Variants in SLC30A8 observed in about 807,000 individuals in gnomAD.
The protein encoded by SLC30A8 is proton-coupled zinc antiporter SLC30A8.
SLC30A8 carries 27 observed loss-of-function variants against 36.9 expected under a neutral mutation model. That is an observed-to-expected ratio of 0.73 (90% confidence interval 0.54 to 1.01). The LOEUF is 1.01. Among genes scored for constraint, SLC30A8 ranks in the 50% least tolerant of loss-of-function variants. SLC30A8 has a pLI of 0.00. For synonymous variants in SLC30A8, 164 were observed against 172.4 expected (o/e 0.95, Z 0.38); for missense variants, 439 against 452.0 (o/e 0.97, Z 0.26).
chr8:117,153,723 G>GGTGGGTGTGT lies in SLC30A8; in HGVS notation c.418+636_418+637insGGTGTGTGTG, dbSNP rs1554591090. On this transcript the variant is annotated intron_variant, in intron 3 of 7. Coordinates refer to ENST00000456015, the MANE Select transcript of SLC30A8 (RefSeq NM_173851.3). ...GGCAGTAGCCAAGGTCATGATAAGG[G>GGTGGGTGTGT]GTGTGTGTGTGTGTGTGTGTGTGTG... 9.7e-3 allele frequency among the ~76,000 whole-genome samples: 1,422 copies of GGTGGGTGTGT among 147,000 alleles called. 19 individuals are homozygous for GGTGGGTGTGT. Among genetic ancestry groups the GGTGGGTGTGT allele is most frequent in the African/African-American group, 0.033 (1,312 of 40,078 alleles).
At chr8:117,028,756 C>A (rs1245773555) in intron 1 of SLC30A8, among the ~76,000 whole-genome samples, 1 of 151,376 alleles carries the variant, frequency 6.6e-6, no homozygotes, top group Admixed American at 6.6e-5. Context: ...TCATATATAT[C>A]AAAAGAAATA....
intron 1 of SLC30A8, among the ~76,000 whole-genome samples, chr8:116,973,950 A>T: frequency 6.6e-6 from 1 of 152,230 alleles, no homozygotes; most frequent in East Asian, 1.9e-4. Flanking sequence ...AGGATTCCCT[A>T]TTTAATAAAT....
At chr8:116,999,372 G>A (rs991757182) in intron 1 of SLC30A8, among the ~76,000 whole-genome samples, 2 of 152,186 alleles carry the variant, frequency 1.3e-5, no homozygotes, top group African/African-American at 4.8e-5. Context: ...ATAGAGGAAA[G>A]CAGGCAAGCA....
chr8:116,960,179 G>A (rs1563723215), intron 1 of SLC30A8, among the ~76,000 whole-genome samples: 1 of 152,194 alleles, frequency 6.6e-6, no homozygotes, highest in Non-Finnish European at 1.5e-5. Flanking sequence ...TTTCAGGTGG[G>A]AAAATGTATG....
At chr8:117,126,932 T>C (rs1439205682) in intron 2 of SLC30A8, among the ~76,000 whole-genome samples, 1 of 152,010 alleles carries the variant, frequency 6.6e-6, no homozygotes, top group Non-Finnish European at 1.5e-5. Flanking sequence ...GGAGAGCACA[T>C]GTTCCAGGCA....
intron 1 of SLC30A8, among the ~76,000 whole-genome samples, chr8:116,992,125 A>G (rs1479626530): frequency 6.6e-6 from 1 of 152,206 alleles, no homozygotes; most frequent in Non-Finnish European, 1.5e-5. Context: ...GAACTATATT[A>G]TAGGTGAAAT....
At chr8:117,146,289 G>A (rs1260012073) in intron 1 of SLC30A8, among the ~76,000 whole-genome samples, 1 of 151,996 alleles carries the variant, frequency 6.6e-6, no homozygotes, top group Non-Finnish European at 1.5e-5. Flanking sequence ...AGAAAAAAGG[G>A]GTTAGACCAA....
chr8:116,980,349 G>A (rs1479330434), intron 1 of SLC30A8, among the ~76,000 whole-genome samples: 2 of 152,152 alleles, frequency 1.3e-5, no homozygotes, highest in Admixed American at 1.3e-4. Flanking sequence ...CTTCTTGGGA[G>A]GAGGGGACTG....
At position 117,086,738 on chromosome 8, in the gene SLC30A8, A is replaced by C. The variant is rs193258889; in HGVS notation, c.-226+47480A>C. ...CACAGTTCAAATTTCTATTTATGCCACATCTACTAACATTGTGTTGATCAA... is the reference window on the plus strand; with the variant it reads ...CACAGTTCAAATTTCTATTTATGCCCCATCTACTAACATTGTGTTGATCAA... On this transcript the variant is annotated intron_variant, in intron 2 of 10. Coordinates refer to the SLC30A8 transcript ENST00000427715. 3.1e-3 allele frequency among the ~76,000 whole-genome samples: 473 copies of C among 152,346 alleles called. 5 individuals are homozygous for C. Among genetic ancestry groups the C allele is most frequent in the African/African-American group, 0.011 (437 of 41,574 alleles).
chr8:116,953,698 C>T (rs529768940), intron 1 of SLC30A8, among the ~76,000 whole-genome samples: 28 of 152,172 alleles, frequency 1.8e-4, no homozygotes, highest in Non-Finnish European at 3.7e-4. Flanking sequence ...CTGACTTTCC[C>T]TGCTCTGCTG....
chr8:117,056,377 T>C (rs1198603156), intron 2 of SLC30A8, among the ~76,000 whole-genome samples: 1 of 152,184 alleles, frequency 6.6e-6, no homozygotes, highest in Non-Finnish European at 1.5e-5. Flanking sequence ...AGGAAAGGCT[T>C]CTGGCCAAAG....
rs188917806 is a variant in SLC30A8, at chr8:117,071,792, A to T, written c.-226+32534A>T. 1.1e-4 allele frequency among the ~76,000 whole-genome samples: 17 copies of T among 152,246 alleles called. No homozygotes were observed. In the East Asian group the frequency reaches 3.3e-3, roughly 29 times the overall value. On this transcript the variant is annotated intron_variant, in intron 2 of 10. Coordinates refer to the SLC30A8 transcript ENST00000427715. ...TACTCATTGATATCATGTTAAATGA[A>T]AGTTTAATATCCAAAATTAACTGTA...
rs184317713 is a variant in SLC30A8, at chr8:117,066,800, G to A, written c.-226+27542G>A. On this transcript the variant is annotated intron_variant, in intron 2 of 10. Transcript: ENST00000427715. The stretch of plus-strand genomic sequence containing the variant: ...TTCCAGGCATCATCTCCTGAAGCCT[G>A]AAAGTGAAGTTAATAATTTGGAAAG... 1.1e-4 allele frequency among the ~76,000 whole-genome samples: 17 copies of A among 152,194 alleles called. No individual in the cohort carries two copies. The East Asian group carries it at 3.3e-3, about 29-fold the overall frequency.
At chr8:116,963,792 G>A (rs1814511628) in intron 1 of SLC30A8, among the ~76,000 whole-genome samples, 1 of 152,140 alleles carries the variant, frequency 6.6e-6, no homozygotes, top group South Asian at 2.1e-4. Flanking sequence ...GAATTACTAG[G>A]TCACACAGTA....
At chr8:117,023,881 A>G (rs1293742950) in intron 1 of SLC30A8, among the ~76,000 whole-genome samples, 2 of 152,008 alleles carry the variant, frequency 1.3e-5, no homozygotes, top group Admixed American at 1.3e-4. Context: ...GAACATTATC[A>G]CCCTAACTAA....
intron 2 of SLC30A8, among the ~76,000 whole-genome samples, chr8:117,106,080 T>C (rs1483106536): frequency 6.6e-6 from 1 of 152,164 alleles, no homozygotes; most frequent in African/African-American, 2.4e-5. Flanking sequence ...CTCTCACTTA[T>C]TCATTCCACA....
At chr8:116,995,317 G>A (rs73312263) in intron 1 of SLC30A8, among the ~76,000 whole-genome samples, 5,390 of 152,070 alleles carry the variant, frequency 0.035, 338 homozygotes, top group African/African-American at 0.12. Flanking sequence ...GGTTTTAGAC[G>A]TAAATAACTT....
chr8:117,028,019 C>T (rs970452524), intron 1 of SLC30A8, among the ~76,000 whole-genome samples: 1 of 152,144 alleles, frequency 6.6e-6, no homozygotes, highest in African/African-American at 2.4e-5. Flanking sequence ...ACTATATTTC[C>T]TCCTCTTTCC....
At chr8:117,146,765 G>C in intron 1 of SLC30A8, 189 bp from the exon 2 acceptor site, 1 of 1,376,302 alleles carries the variant, frequency 7.3e-7, no homozygotes, top group Admixed American at 2.9e-5. Flanking sequence ...TTTAGTAGTT[G>C]AAGTTTAGAA....
Sources: gnomAD v4.1 joint callset for allele counts (sites outside exome capture counted in the v4.1 genomes callset) on GRCh38, gnomAD v4.1.1 for gene constraint, MANE v1.5 for transcripts, NCBI Gene and HGNC (gene_info 2026-07-23, HGNC 2026-07-21) for gene names.